The following ZNF680 variants were observed in gnomAD, a reference collection of about 807,000 sequenced individuals.
ZNF680 encodes hypothetical protein FLJ90430.
A neutral mutation model predicts 12.1 loss-of-function variants in ZNF680; 6 were observed. The observed-to-expected ratio is 0.49, with a 90% CI of 0.27 to 0.98. The LOEUF (loss-of-function observed/expected upper bound fraction) is 0.98. ZNF680 is among the 50% of genes least tolerant of loss of function. The probability of loss-of-function intolerance (pLI) is 0.12; values close to 1 mark genes in which losing one functional copy is unlikely to be tolerated. For missense variants in ZNF680, 561 were observed against 616.3 expected, an observed-to-expected ratio of 0.91 and a Z score of 0.95; for synonymous variants, 170 against 199.3, an observed-to-expected ratio of 0.85 and a Z score of 1.24.
At chr7:64,500,766 C>T in the ZNF680 span, 2 of 312,714 alleles carry the variant, frequency 6.4e-6, no homozygotes, top group Admixed American at 3.7e-5. Context: ...GACTCAGAAT[C>T]GAATCTCTTC....
At chr7:64,506,586 AT>A in the ZNF680 span, among the ~76,000 whole-genome samples, 13 of 152,084 alleles carry the variant, frequency 8.5e-5, no homozygotes, top group African/African-American at 2.7e-4. Context: ...ATATTAACTA[AT>A]TTTTTTTCTG....
the ZNF680 span, among the ~76,000 whole-genome samples, chr7:64,502,370 T>A: frequency 6.6e-6 from 1 of 151,948 alleles, no homozygotes; most frequent in Non-Finnish European, 1.5e-5. Context: ...AAGTAGTTTT[T>A]TTCATTCATA....
chr7:64,557,757 C>T (rs1787502916), intron 1 of ZNF680, among the ~76,000 whole-genome samples: 1 of 152,148 alleles, frequency 6.6e-6, no homozygotes. Context: ...GCTGTGGTTG[C>T]ATGCACCTGT....
intron 1 of ZNF680, among the ~76,000 whole-genome samples, chr7:64,562,182 A>G (rs1237060848): frequency 4.0e-5 from 6 of 150,324 alleles, no homozygotes; most frequent in African/African-American, 1.5e-4. Context: ...TAGTGAGCCG[A>G]GATCGTGCCA....
intron 3 of ZNF680, among the ~76,000 whole-genome samples, chr7:64,530,752 G>A (rs574894381): frequency 4.5e-4 from 68 of 151,838 alleles, no homozygotes; most frequent in Non-Finnish European, 7.1e-4. Flanking sequence ...CCAGCTACTC[G>A]GGAGGCTGAG....
rs1404157837 is a variant in ZNF680, at chr7:64,521,791, G to C, written c.963C>G (p.Pro321=). The C allele has an allele frequency of 1.2e-6, 2 of 1,612,998 alleles. No homozygotes were observed. The highest frequency in any genetic ancestry group is 2.2e-5 in the South Asian group (2 of 91,048). The change falls in exon 4 of 4, where the codon CCC becomes CCG. Residue 321 remains proline, a synonymous_variant. Transcript: ENST00000309683. The part of the protein sequence containing the change: ...NHKRIHTGEK[P]FKCEECGKDF... ...CTTTGCCACATTCTTCACATTTGAA[G>C]GGTTTCTCTCCAGTATGAATTCTCT... is the stretch of plus-strand genomic sequence containing the variant.
chr7:64,525,235 T>C (rs1791774671), intron 3 of ZNF680: 1 of 152,146 alleles, frequency 6.6e-6, no homozygotes, highest in Admixed American at 6.5e-5. Flanking sequence ...ATATATAAAC[T>C]TACACATATA....
the ZNF680 span, among the ~76,000 whole-genome samples, chr7:64,508,142 T>TATATATATATAC: frequency 1.4e-4 from 16 of 112,174 alleles, 2 homozygotes; most frequent in East Asian, 8.7e-4. Context: ...TATATATATA[T>TATATATATATAC]ACATAATTTT....
chr7:64,521,447 C>T lies in ZNF680; in HGVS notation c.1307G>A (p.Cys436Tyr), dbSNP rs764610026. Reference sequence around the variant, plus strand: ...AGTAAAGCCTTTGCCACATTCTTCACATTTGTAGGTATTCTCTCTAGTGTG... The same window carrying T: ...AGTAAAGCCTTTGCCACATTCTTCATATTTGTAGGTATTCTCTCTAGTGTG... ...RIHTRENTYK[C>Y]EECGKGFTLF... is the part of the protein sequence containing the mutation. Residue 436 changes from cysteine (C) to tyrosine (Y), a missense_variant, in exon 4 of 4, where the codon TGT becomes TAT. Coordinates refer to ENST00000309683, the MANE Select transcript of ZNF680 (RefSeq NM_178558.5). 1.9e-6 allele frequency: 3 copies of T among 1,613,406 alleles called. No homozygotes were observed. Among genetic ancestry groups the T allele is most frequent in the Non-Finnish European group, 2.5e-6 (3 of 1,179,680 alleles).
At chr7:64,518,822 C>A (rs1399643340), downstream of ZNF680, among the ~76,000 whole-genome samples, 1 of 151,864 alleles carries the variant, frequency 6.6e-6, no homozygotes, top group Non-Finnish European at 1.5e-5. Context: ...ACTCATCTCA[C>A]AACTTATACA....
the ZNF680 span, among the ~76,000 whole-genome samples, chr7:64,500,313 A>C: frequency 1.3e-5 from 2 of 152,224 alleles, no homozygotes; most frequent in African/African-American, 4.8e-5. Flanking sequence ...AAAAGGAAAA[A>C]AGATATAAAA....
In ZNF680 at chr7:64,520,927, G is replaced by T. The variant is rs1791494298; in HGVS notation, c.*234C>A. 1 of 421,028 alleles carries T rather than the reference G, an allele frequency of 2.4e-6. No homozygotes were observed. The highest frequency in any genetic ancestry group is 4.2e-6 in the Non-Finnish European group (1 of 240,598). The allele number at this position is 421,028 out of a possible 1,614,324, so 26.1% of individuals were successfully genotyped here. ...GAGTAAGATGTGAAAAGATATCAAT[G>T]ACTTTTTCACATTCTTTATACTTGT... On this transcript the variant is annotated 3_prime_UTR_variant, in exon 4 of 4. Coordinates refer to ENST00000309683, the MANE Select transcript of ZNF680 (RefSeq NM_178558.5).
chr7:64,516,523 G>A (rs1328755444), downstream of ZNF680, among the ~76,000 whole-genome samples: 1 of 151,992 alleles, frequency 6.6e-6, no homozygotes, highest in East Asian at 1.9e-4. Flanking sequence ...TAATAGTGGG[G>A]GACTTCAATA....
intron 3 of ZNF680, among the ~76,000 whole-genome samples, chr7:64,534,975 G>C (rs1399598316): frequency 7.5e-6 from 1 of 132,666 alleles, no homozygotes; most frequent in African/African-American, 2.7e-5. Context: ...AAAGGCATAA[G>C]AACGATACAA....
At chr7:64,559,450 TTTTTG>T (rs1787603382) in intron 1 of ZNF680, among the ~76,000 whole-genome samples, 1 of 151,014 alleles carries the variant, frequency 6.6e-6, no homozygotes, top group African/African-American at 2.4e-5. Context: ...ATAAATCCAC[TTTTTG>T]TTTTATTTGT....
intron 3 of ZNF680, among the ~76,000 whole-genome samples, chr7:64,538,085 C>T (rs960917820): frequency 2.6e-5 from 4 of 151,478 alleles, no homozygotes; most frequent in Non-Finnish European, 5.9e-5. Flanking sequence ...AGGTTATCTA[C>T]ACTGATAAAG....
At chr7:64,514,500 A>G in the ZNF680 span, among the ~76,000 whole-genome samples, 1 of 152,188 alleles carries the variant, frequency 6.6e-6, no homozygotes, top group African/African-American at 2.4e-5. Flanking sequence ...ACTTTAACAA[A>G]TGTTCTCCAA....
At chr7:64,517,654 T>C (rs1053223232), downstream of ZNF680, among the ~76,000 whole-genome samples, 1 of 151,322 alleles carries the variant, frequency 6.6e-6, no homozygotes, top group Non-Finnish European at 1.5e-5. Context: ...AAAAGAAGAC[T>C]ACAGACTGAC....
chr7:64,544,266 T>G (rs58967958), intron 2 of ZNF680, 40 bp downstream of exon 2: 376,844 of 1,580,886 alleles, frequency 0.24, 46,197 homozygotes, highest in South Asian at 0.29. Context: ...AATAAAACCT[T>G]TAGGGCATAT....
Sources: allele counts gnomAD v4.1 joint callset (sites outside exome capture counted in the v4.1 genomes callset), GRCh38; gene constraint gnomAD v4.1.1; transcripts MANE v1.5; gene names NCBI Gene and HGNC (gene_info 2026-07-23, HGNC 2026-07-21).